TNR: variants seen among roughly 807,000 people sequenced by gnomAD.
TNR encodes tenascin R.
In TNR, 45 loss-of-function variants were observed where a neutral mutation model predicts 150.4. The ratio of observed to expected loss-of-function variants is 0.30; its 90% CI spans 0.24 to 0.38. TNR has a LOEUF of 0.38. TNR is among the 10% of genes least tolerant of loss of function. The probability of loss-of-function intolerance (pLI) is 1.00; values close to 1 mark genes in which losing one functional copy is unlikely to be tolerated. For missense variants in TNR, 1,544 were observed against 1,759.1 expected, an observed-to-expected ratio of 0.88 and a Z score of 2.19; for synonymous variants, 687 against 678.4, an observed-to-expected ratio of 1.01 and a Z score of -0.20.
chr1:175,582,965 C>T (rs1209624534), intron 1 of TNR, among the ~76,000 whole-genome samples: 1 of 151,792 alleles, frequency 6.6e-6, no homozygotes, highest in Non-Finnish European at 1.5e-5. Flanking sequence ...TGATGGCATG[C>T]AAAAAAGCCC....
At position 175,406,276 on chromosome 1, in the gene TNR, C is replaced by G. The variant is rs761095507; in HGVS notation, c.439G>C (p.Glu147Gln). ...CACTGGTCTCGCAGCACCGACACCT[C>G]CCTCTCCAGCATCTCGATCCGGCTC... ...LLSRIEMLER[E>Q]VSVLRDQCNA... The change falls in exon 3 of 23, where the codon GAG (glutamate) becomes CAG (glutamine). Residue 147 changes from glutamate to glutamine, a missense_variant. Transcript: ENST00000367674. The G allele has an allele frequency of 5.0e-5, 80 of 1,614,094 alleles. No homozygotes were observed. The highest frequency in any genetic ancestry group is 6.4e-5 in the Non-Finnish European group (76 of 1,180,048).
At chr1:175,455,234 G>A (rs755831940) in intron 2 of TNR, among the ~76,000 whole-genome samples, 4 of 152,218 alleles carry the variant, frequency 2.6e-5, no homozygotes, top group Non-Finnish European at 4.4e-5. Context: ...AGTTACATCT[G>A]CTCTGCATTG....
intron 1 of TNR, among the ~76,000 whole-genome samples, chr1:175,543,599 A>G (rs1660579933): frequency 6.6e-6 from 1 of 152,222 alleles, no homozygotes; most frequent in South Asian, 2.1e-4. Context: ...TACATTGAGT[A>G]TCTAATGTGT....
At chr1:175,710,831 AC>A (rs1666991123) in intron 1 of TNR, among the ~76,000 whole-genome samples, 1 of 151,936 alleles carries the variant, frequency 6.6e-6, no homozygotes, top group Non-Finnish European at 1.5e-5. Context: ...CTCCTTCAAA[AC>A]CTTCACAGTC....
chr1:175,447,411 G>C (rs1000403064), intron 2 of TNR, among the ~76,000 whole-genome samples: 8 of 152,174 alleles, frequency 5.3e-5, no homozygotes, highest in African/African-American at 1.9e-4. Flanking sequence ...GGAGGGAAAG[G>C]CATGGGTCTT....
At chr1:175,693,156 T>C (rs1202065709) in intron 1 of TNR, among the ~76,000 whole-genome samples, 3 of 152,202 alleles carry the variant, frequency 2.0e-5, no homozygotes, top group Admixed American at 6.5e-5. Flanking sequence ...AAAAGAGACT[T>C]ATTTCCCAAA....
At chr1:175,566,755 C>T (rs1272653243) in intron 1 of TNR, among the ~76,000 whole-genome samples, 1 of 152,228 alleles carries the variant, frequency 6.6e-6, no homozygotes, top group East Asian at 1.9e-4. Flanking sequence ...ATTAATCAAC[C>T]TCACTCCTGC....
At chr1:175,576,737 ACT>A (rs1264108616) in intron 1 of TNR, among the ~76,000 whole-genome samples, 1 of 152,042 alleles carries the variant, frequency 6.6e-6, no homozygotes, top group Non-Finnish European at 1.5e-5. Flanking sequence ...ATTTTTTGAG[ACT>A]CTGCATAATC....
At chr1:175,583,117 G>A (rs1262431342) in intron 1 of TNR, among the ~76,000 whole-genome samples, 1 of 152,190 alleles carries the variant, frequency 6.6e-6, no homozygotes, top group African/African-American at 2.4e-5. Context: ...AACATGATAG[G>A]TATGGGCAAA....
chr1:175,325,438 A>G (rs1057296921), intron 21 of TNR, among the ~76,000 whole-genome samples: 2 of 152,244 alleles, frequency 1.3e-5, no homozygotes, highest in African/African-American at 4.8e-5. Context: ...AACTAGTTCA[A>G]CCATTGTGGA....
chr1:175,603,523 G>T (rs1251521795), intron 1 of TNR, among the ~76,000 whole-genome samples: 1 of 152,224 alleles, frequency 6.6e-6, no homozygotes, highest in Admixed American at 6.5e-5. Context: ...GAAGTGTTAG[G>T]TTTTTATAGG....
chr1:175,517,029 GAGA>G (rs1659436637), intron 2 of TNR, among the ~76,000 whole-genome samples: 12 of 146,390 alleles, frequency 8.2e-5, no homozygotes, highest in Non-Finnish European at 3.0e-5. Flanking sequence ...GAGAGAGAGA[GAGA>G]GAGAGAGAGA....
chr1:175,553,947 G>A (rs1372239552), intron 1 of TNR, among the ~76,000 whole-genome samples: 1 of 151,822 alleles, frequency 6.6e-6, no homozygotes. Context: ...TTAAACTCTA[G>A]GCATCCCACA....
chr1:175,649,551 G>A (rs370342860), intron 1 of TNR, among the ~76,000 whole-genome samples: 34 of 151,730 alleles, frequency 2.2e-4, no homozygotes, highest in African/African-American at 7.3e-4. Context: ...CACAGAGCCC[G>A]GCACAGAGCC....
At chr1:175,721,918 G>C (rs1386344086) in intron 1 of TNR, among the ~76,000 whole-genome samples, 1 of 147,542 alleles carries the variant, frequency 6.8e-6, no homozygotes, top group Admixed American at 7.1e-5. Context: ...GGACAGCTGT[G>C]AGCCTGGCAT....
At chr1:175,491,871 G>C (rs567792439) in intron 2 of TNR, among the ~76,000 whole-genome samples, 6 of 151,614 alleles carry the variant, frequency 4.0e-5, no homozygotes, top group South Asian at 2.1e-4. Flanking sequence ...GGATGGTCTC[G>C]ATCTCCTGAC....
Position 175,396,737 on chromosome 1 carries a change from C to G in TNR, c.1047G>C (p.Pro349=). ...AGATCACATATTCCGTCACTGCCATCGGCCCGTCCCATTCCAGCTCAATGG... is the reference window on the plus strand; with the variant it reads ...AGATCACATATTCCGTCACTGCCATGGGCCCGTCCCATTCCAGCTCAATGG... The part of the protein sequence containing the change: ...DRSIELEWDG[P]MAVTEYVISY... The change falls in exon 5 of 23, where the codon CCG becomes CCC. Residue 349 remains proline, a synonymous_variant. Coordinates refer to ENST00000367674, the MANE Select transcript of TNR (RefSeq NM_003285.3). 1 of 1,614,218 alleles carries G rather than the reference C, an allele frequency of 6.2e-7. No individual in the cohort carries two copies. Among genetic ancestry groups the G allele is most frequent in the Non-Finnish European group, 8.5e-7 (1 of 1,180,044 alleles).
intron 2 of TNR, among the ~76,000 whole-genome samples, chr1:175,438,481 C>A (rs1655621449): frequency 6.6e-6 from 1 of 152,160 alleles, no homozygotes; most frequent in African/African-American, 2.4e-5. Context: ...GACAGGGATG[C>A]CCTCTCTCAC....
chr1:175,366,331 T>C (rs927095341), intron 10 of TNR, among the ~76,000 whole-genome samples, 193 bp from the exon 11 acceptor site: 10 of 152,304 alleles, frequency 6.6e-5, no homozygotes, highest in African/African-American at 1.9e-4. Context: ...GGCAAATAGA[T>C]GAACAATCTG....
Sources: allele counts gnomAD v4.1 joint callset (sites outside exome capture counted in the v4.1 genomes callset), GRCh38; gene constraint gnomAD v4.1.1; transcripts MANE v1.5; gene names NCBI Gene and HGNC (gene_info 2026-07-23, HGNC 2026-07-21).